Variants in NPHP3 observed in about 807,000 individuals in gnomAD.
NPHP3 encodes the protein nephrocystin 3.
Under a neutral mutation model 171.9 loss-of-function variants are expected in NPHP3, and 123 were observed. The ratio of observed to expected loss-of-function variants is 0.72; its 90% CI spans 0.62 to 0.83. The LOEUF is 0.83. Ranked by LOEUF, NPHP3 falls within the 40% of genes least tolerant of loss-of-function variation. The probability of loss-of-function intolerance (pLI) is 0.00; values close to 1 mark genes in which losing one functional copy is unlikely to be tolerated. For missense variants in NPHP3, 1,506 were observed against 1,591.9 expected (o/e 0.95, Z 0.92); for synonymous variants, 558 against 579.2 (o/e 0.96, Z 0.52).
chr3:132,699,277 T>G (rs907307291), intron 13 of NPHP3, 76 bp downstream of exon 13: 2 of 988,250 alleles, frequency 2.0e-6, no homozygotes, highest in Non-Finnish European at 3.2e-6. Context: ...AAACCATAAA[T>G]GCATATTAAA....
rs1939573148 is a variant in NPHP3 at position 132,700,324 on chromosome 3, G to A, written c.1743+10C>T. On this transcript the variant is annotated intron_variant, in intron 11 of 26. Transcript: ENST00000337331. ...AAAATTCTGTAATTCCAAAAGATGG[G>A]ATACTATACCTTTAGAGTTAGTCGT... 1 of 1,543,144 alleles carries A rather than the reference G, an allele frequency of 6.5e-7. No homozygotes were observed. The highest frequency in any genetic ancestry group is 1.4e-5 in the African/African-American group (1 of 73,548).
At position 132,681,879 on chromosome 3, in the gene NPHP3, G is replaced by A. The variant is rs761940786; in HGVS notation, c.*31C>T. On this transcript the variant is annotated 3_prime_UTR_variant, in exon 27 of 27. Transcript: ENST00000337331. ...AAATGTTTAATTATTTTGTCTTAAG[G>A]TACATTTGCAAAGAATTCTAACTGC... 2 of 1,573,720 alleles carry A rather than the reference G, an allele frequency of 1.3e-6. No individual in the cohort carries two copies. The highest frequency in any genetic ancestry group is 1.7e-6 in the Non-Finnish European group (2 of 1,143,356).
intron 6 of NPHP3, among the ~76,000 whole-genome samples, chr3:132,708,764 G>A (rs866228098): frequency 7.9e-5 from 12 of 152,132 alleles, no homozygotes; most frequent in Admixed American, 4.6e-4. Context: ...AATTTGACCC[G>A]CCTCCCTTCA....
intron 1 of NPHP3, 103 bp downstream of exon 1, chr3:132,721,860 G>T: frequency 1.5e-6 from 2 of 1,340,732 alleles, no homozygotes. Context: ...AAATTAAAAT[G>T]GGCAGTTTCC....
intron 19 of NPHP3, 26 bp from the exon 20 acceptor site, chr3:132,689,289 A>C (rs1939240956): frequency 6.2e-7 from 1 of 1,608,218 alleles, no homozygotes; most frequent in Non-Finnish European, 8.5e-7. Flanking sequence ...ACAGTACTTT[A>C]ATGAAAAACA....
At chr3:132,709,205 A>G (rs1939839000) in intron 6 of NPHP3, among the ~76,000 whole-genome samples, 1 of 151,454 alleles carries the variant, frequency 6.6e-6, no homozygotes, top group Non-Finnish European at 1.5e-5. Flanking sequence ...AAAATTCTAG[A>G]AAAAAAAGTC....
At chr3:132,707,260 C>T (rs549468990) in intron 7 of NPHP3, among the ~76,000 whole-genome samples, 1 of 152,256 alleles carries the variant, frequency 6.6e-6, no homozygotes, top group South Asian at 2.1e-4. Context: ...AAAAAGTCTC[C>T]TCCTGCAGCG....
At chr3:132,695,156 A>T (rs1939421347) in intron 15 of NPHP3, 191 bp from the exon 16 acceptor site, 1 of 566,218 alleles carries the variant, frequency 1.8e-6, no homozygotes, top group Admixed American at 3.1e-5. Flanking sequence ...ACTATATATA[A>T]TTTAATTCAG....
At chr3:132,705,209 CA>C (rs1293933409) in intron 8 of NPHP3, among the ~76,000 whole-genome samples, 1 of 151,920 alleles carries the variant, frequency 6.6e-6, no homozygotes. Flanking sequence ...TTATATTAAA[CA>C]CAAACATAGA....
At chr3:132,685,385 G>A (rs1419433409) in intron 23 of NPHP3, 4 of 152,134 alleles carry the variant, frequency 2.6e-5, no homozygotes, top group Admixed American at 2.0e-4. Context: ...TAAAGCTCTG[G>A]GATTACAGGC....
At chr3:132,701,613 T>C in intron 9 of NPHP3, 80 bp from the exon 10 acceptor site, 1 of 895,160 alleles carries the variant, frequency 1.1e-6, no homozygotes, top group Non-Finnish European at 1.8e-6. Flanking sequence ...GATTATTCTT[T>C]GAAAATACTG....
intron 16 of NPHP3, 126 bp downstream of exon 16, chr3:132,694,701 T>C: frequency 1.0e-6 from 1 of 1,003,040 alleles, no homozygotes. Flanking sequence ...ACACTATGGC[T>C]ATCAGCATTC....
chr3:132,689,134 G>A lies in NPHP3; in HGVS notation c.2823C>T (p.Cys941=), dbSNP rs201918369. 6 of 1,614,142 alleles carry A rather than the reference G, an allele frequency of 3.7e-6. No individual in the cohort carries two copies. Among genetic ancestry groups the A allele is most frequent in the Middle Eastern group, 1.6e-4 (1 of 6,062 alleles). ...KNCEGEDNMS[C]LADLYETLGR... ...CCAAGGTTTCATAAAGATCAGCTAAGCAACTCATGTTGTCCTCGCCTTCGC... is the reference window on the plus strand; with the variant it reads ...CCAAGGTTTCATAAAGATCAGCTAAACAACTCATGTTGTCCTCGCCTTCGC... Residue 941 remains cysteine, a synonymous_variant, in exon 20 of 27, where the codon TGC becomes TGT. Coordinates refer to ENST00000337331, the MANE Select transcript of NPHP3 (RefSeq NM_153240.5).
At chr3:132,690,014 G>A (rs1939259283) in intron 19 of NPHP3, among the ~76,000 whole-genome samples, 1 of 152,106 alleles carries the variant, frequency 6.6e-6, no homozygotes, top group Non-Finnish European at 1.5e-5. Flanking sequence ...CTCATAAAAA[G>A]GTAGTTCTGC....
chr3:132,704,776 T>C (rs1334230243), intron 8 of NPHP3, among the ~76,000 whole-genome samples: 1 of 152,210 alleles, frequency 6.6e-6, no homozygotes. Context: ...TCTGTGGTCA[T>C]ATTCAGTTTT....
intron 1 of NPHP3, among the ~76,000 whole-genome samples, chr3:132,721,181 G>A (rs1340459356): frequency 6.6e-6 from 1 of 151,984 alleles, no homozygotes; most frequent in Non-Finnish European, 1.5e-5. Context: ...GCCTCGAAAA[G>A]TGTTGGGATT....
intron 11 of NPHP3, 57 bp downstream of exon 11, chr3:132,700,277 C>T: frequency 1.5e-6 from 2 of 1,355,854 alleles, no homozygotes; most frequent in Non-Finnish European, 2.1e-6. Flanking sequence ...CTTATTAGTC[C>T]CAACAATTTC....
chr3:132,709,272 C>CTTTT (rs3046397), intron 6 of NPHP3, among the ~76,000 whole-genome samples: 5 of 75,966 alleles, frequency 6.6e-5, no homozygotes, highest in African/African-American at 1.1e-4. Context: ...CTTTCTCTCC[C>CTTTT]TTTTTTTTTT....
intron 11 of NPHP3, 31 bp from the exon 12 acceptor site, chr3:132,700,092 T>C (rs1230453525): frequency 6.2e-7 from 1 of 1,608,398 alleles, no homozygotes; most frequent in East Asian, 2.2e-5. Context: ...CAAACTGAAG[T>C]AGTTACACGT....
Sources: allele counts gnomAD v4.1 joint callset (sites outside exome capture counted in the v4.1 genomes callset), GRCh38; gene constraint gnomAD v4.1.1; transcripts MANE v1.5; gene names NCBI Gene and HGNC (gene_info 2026-07-23, HGNC 2026-07-21).